XIRP2: variants seen among roughly 807,000 people sequenced by gnomAD.
XIRP2 encodes xin actin-binding repeat-containing protein 2.
Under a neutral mutation model 277.0 loss-of-function variants are expected in XIRP2, and 236 were observed. The observed-to-expected ratio is 0.85, with a 90% CI of 0.77 to 0.95. The LOEUF is 0.95. Ranked by LOEUF, XIRP2 falls within the 40% of genes least tolerant of loss-of-function variation. The pLI is 0.00. For synonymous variants in XIRP2, 1,490 were observed against 1,416.5 expected, an observed-to-expected ratio of 1.05 and a Z score of -1.17; for missense variants, 4,640 against 4,157.5, an observed-to-expected ratio of 1.12 and a Z score of -3.19.
At chr2:166,944,872 T>C (rs527485226) in intron 2 of XIRP2, among the ~76,000 whole-genome samples, 1 of 152,302 alleles carries the variant, frequency 6.6e-6, no homozygotes, top group South Asian at 2.1e-4. Flanking sequence ...GATTGCAGAT[T>C]GGCTATAGAG....
chr2:166,950,603 A>C (rs1686001086), intron 2 of XIRP2, among the ~76,000 whole-genome samples: 1 of 152,120 alleles, frequency 6.6e-6, no homozygotes, highest in African/African-American at 2.4e-5. Context: ...TGAAGATGGA[A>C]AAGGCATGTT....
At chr2:167,215,496 A>T (rs16822928) in intron 4 of XIRP2, among the ~76,000 whole-genome samples, 22,942 of 152,092 alleles carry the variant, frequency 0.15, 2,150 homozygotes, top group African/African-American at 0.27. Flanking sequence ...GGAAACCCAA[A>T]CCCCAAGATA....
In XIRP2 at chr2:166,971,290, T is replaced by C. The variant is rs577947092; in HGVS notation, c.408+67400T>C. Among the ~76,000 whole-genome samples the C allele has an allele frequency of 1.2e-4, 19 of 152,206 alleles. No individual in the cohort carries two copies. In the East Asian group the frequency reaches 3.7e-3, roughly 29 times the overall value. ...GCTTTCACAACCTAATACAGTGCCT[T>C]ATTCATTGTGGCTCACTCAGTGTTT... On this transcript the variant is annotated intron_variant, in intron 2 of 10. Coordinates refer to ENST00000409195, the MANE Select transcript of XIRP2 (RefSeq NM_152381.6).
At chr2:167,149,476 T>A (rs1691951442) in intron 3 of XIRP2, among the ~76,000 whole-genome samples, 1 of 152,158 alleles carries the variant, frequency 6.6e-6, no homozygotes, top group South Asian at 2.1e-4. Flanking sequence ...GAACTCTGCA[T>A]ACTCTGGGCA....
In XIRP2 at chr2:167,246,583, G is replaced by T. The variant is rs766376107; in HGVS notation, c.5191G>T (p.Glu1731Ter). 18 of 1,613,652 alleles carry T rather than the reference G, an allele frequency of 1.1e-5. No individual in the cohort carries two copies. The highest frequency in any genetic ancestry group is 1.4e-5 in the Non-Finnish European group (17 of 1,179,838). Residue 1731 changes from glutamate to a stop codon, truncating the protein, a stop_gained, in exon 9 of 11, where the codon GAA (glutamate) becomes TAA (stop). Transcript: ENST00000409195. LOFTEE classifies it high-confidence loss of function. ...TTCCACATCAAACAATAAAATATCTGAAAGGGCTAAAATTGATGCCTCTGA... is the reference window on the plus strand; with the variant it reads ...TTCCACATCAAACAATAAAATATCTTAAAGGGCTAAAATTGATGCCTCTGA... ...LSSTSNNKIS[E>*]RAKIDASERG...
At chr2:167,210,995 C>A (rs1023944655) in intron 4 of XIRP2, 100 bp downstream of exon 4, 4 of 1,426,902 alleles carry the variant, frequency 2.8e-6, no homozygotes, top group Non-Finnish European at 3.8e-6. Flanking sequence ...GGACAGGGGG[C>A]TAAAGTAGAA....
At chr2:167,083,536 G>T (rs1397227192) in intron 2 of XIRP2, among the ~76,000 whole-genome samples, 1 of 152,196 alleles carries the variant, frequency 6.6e-6, no homozygotes, top group African/African-American at 2.4e-5. Context: ...ACCTTGGGCA[G>T]TATGGCCATT....
intron 2 of XIRP2, among the ~76,000 whole-genome samples, chr2:167,070,437 C>T (rs1279930332): frequency 6.6e-6 from 1 of 152,100 alleles, no homozygotes; most frequent in Non-Finnish European, 1.5e-5. Context: ...CACTGAACTT[C>T]AGGTCAGCCA....
At chr2:167,101,718 A>G (rs545874076) in intron 2 of XIRP2, among the ~76,000 whole-genome samples, 1 of 152,326 alleles carries the variant, frequency 6.6e-6, no homozygotes, top group South Asian at 2.1e-4. Flanking sequence ...TGCAAAATAT[A>G]TAAGAGAATA....
At chr2:167,166,478 A>G (rs1692523025) in intron 3 of XIRP2, among the ~76,000 whole-genome samples, 1 of 152,128 alleles carries the variant, frequency 6.6e-6, no homozygotes, top group Non-Finnish European at 1.5e-5. Context: ...TATACAGTTG[A>G]TTGATGGTTG....
chr2:166,983,149 G>A (rs1174719973), intron 2 of XIRP2, among the ~76,000 whole-genome samples: 2 of 152,022 alleles, frequency 1.3e-5, no homozygotes, highest in Non-Finnish European at 2.9e-5. Context: ...TCGAGGGTTG[G>A]TTTTTAAAAA....
intron 2 of XIRP2, among the ~76,000 whole-genome samples, chr2:166,986,268 T>G (rs1687001854): frequency 6.6e-6 from 1 of 152,190 alleles, no homozygotes; most frequent in Admixed American, 6.5e-5. Context: ...ATTTTCCCAG[T>G]GTCCTCAGAA....
chr2:166,965,749 A>G (rs1025714994), intron 2 of XIRP2, among the ~76,000 whole-genome samples: 3 of 151,744 alleles, frequency 2.0e-5, no homozygotes, highest in Non-Finnish European at 4.4e-5. Flanking sequence ...ATGCCAGGCT[A>G]ATCTTTTATT....
intron 3 of XIRP2, among the ~76,000 whole-genome samples, chr2:167,175,663 G>T (rs577391723): frequency 6.6e-6 from 1 of 152,286 alleles, no homozygotes; most frequent in Admixed American, 6.5e-5. Flanking sequence ...GAGCTTGAAC[G>T]CTGTCCTTGG....
chr2:167,026,964 A>T (rs576111478), intron 2 of XIRP2, among the ~76,000 whole-genome samples: 8 of 152,102 alleles, frequency 5.3e-5, no homozygotes, highest in East Asian at 1.9e-4. Context: ...ACTTTGGTGA[A>T]TCTGACAATT....
chr2:167,111,471 C>A lies in XIRP2; in HGVS notation c.409-24438C>A, dbSNP rs1186968283. Among the ~76,000 whole-genome samples, 3 of 152,062 alleles carry A rather than the reference C, an allele frequency of 2.0e-5. No homozygotes were observed. In the East Asian group the frequency reaches 5.8e-4, roughly 29 times the overall value. On this transcript the variant is annotated intron_variant, in intron 2 of 10. Transcript: ENST00000409195. Reference sequence around the variant, plus strand: ...TTTTAGTTTTGTTGGTGTGCTGAATCACATTTATGGATTTGCATGTGTTGA... The same window carrying A: ...TTTTAGTTTTGTTGGTGTGCTGAATAACATTTATGGATTTGCATGTGTTGA...
rs570915369 is a variant in XIRP2, at chr2:167,175,467, C to G, written c.563-35268C>G. 5.3e-5 allele frequency among the ~76,000 whole-genome samples: 8 copies of G among 152,266 alleles called. No individual in the cohort carries two copies. In the South Asian group the frequency reaches 1.7e-3, roughly 32 times the overall value. ...TTTGCCTAGGTATCACCAGTGGAGG[C>G]TGCAGAACAGCAGAGATTGCTGCCT... On this transcript the variant is annotated intron_variant, in intron 3 of 10. Transcript: ENST00000409195.
intron 2 of XIRP2, among the ~76,000 whole-genome samples, chr2:167,105,731 C>A (rs7557440): frequency 6.6e-6 from 1 of 151,616 alleles, no homozygotes; most frequent in South Asian, 2.1e-4. Context: ...TTTAAAACAC[C>A]CCCAAACTGT....
At chr2:167,254,285 C>A in intron 10 of XIRP2, 120 bp downstream of exon 10, 1 of 1,186,052 alleles carries the variant, frequency 8.4e-7, no homozygotes, top group Non-Finnish European at 1.1e-6. Context: ...TTAACACAAC[C>A]ACACAGGGAG....
Sources: gnomAD v4.1 joint callset for allele counts (sites outside exome capture counted in the v4.1 genomes callset) on GRCh38, gnomAD v4.1.1 for gene constraint, MANE v1.5 for transcripts, NCBI Gene and HGNC (gene_info 2026-07-23, HGNC 2026-07-21) for gene names.